Variants in MACROD2 observed in about 807,000 individuals in gnomAD.
The protein encoded by MACROD2 is mono-ADP ribosylhydrolase 2, also known as ADP-ribose glycohydrolase MACROD2.
Under a neutral mutation model 70.4 loss-of-function variants are expected in MACROD2, and 36 were observed. The observed-to-expected ratio is 0.51, with a 90% CI of 0.39 to 0.68. The LOEUF is 0.68. Ranked by LOEUF, MACROD2 falls within the 30% of genes least tolerant of loss-of-function variation. MACROD2 has a pLI of 0.00. For missense variants in MACROD2, 496 were observed against 538.4 expected, an observed-to-expected ratio of 0.92 and a Z score of 0.78; for synonymous variants, 172 against 178.8, an observed-to-expected ratio of 0.96 and a Z score of 0.30.
At chr20:14,983,289 G>C (rs961986877) in intron 5 of MACROD2, among the ~76,000 whole-genome samples, 1 of 152,114 alleles carries the variant, frequency 6.6e-6, no homozygotes, top group Non-Finnish European at 1.5e-5. Context: ...TGTCTCAGTT[G>C]AGACTTTGGA....
intron 4 of MACROD2, among the ~76,000 whole-genome samples, chr20:14,539,004 G>A (rs972471372): frequency 2.0e-5 from 3 of 152,192 alleles, no homozygotes; most frequent in African/African-American, 2.4e-5. Context: ...CACATAATGA[G>A]CATTCAGTAA....
intron 4 of MACROD2, among the ~76,000 whole-genome samples, chr20:14,504,053 T>C (rs1300313630): frequency 6.6e-6 from 1 of 152,216 alleles, no homozygotes; most frequent in Non-Finnish European, 1.5e-5. Flanking sequence ...AGTCAGTGCA[T>C]TTTCTTAGGT....
intron 3 of MACROD2, among the ~76,000 whole-genome samples, chr20:14,104,400 G>A (rs564705249): frequency 6.6e-6 from 1 of 152,272 alleles, no homozygotes; most frequent in East Asian, 1.9e-4. Flanking sequence ...AACTCAGATA[G>A]CCGAAGTTCA....
At chr20:15,925,692 G>T (rs1427495517) in intron 10 of MACROD2, among the ~76,000 whole-genome samples, 1 of 152,158 alleles carries the variant, frequency 6.6e-6, no homozygotes, top group Non-Finnish European at 1.5e-5. Flanking sequence ...ACATATGGAA[G>T]GCCCAGTGGC....
intron 11 of MACROD2, among the ~76,000 whole-genome samples, chr20:15,935,294 C>T (rs1375108889): frequency 6.6e-6 from 1 of 152,150 alleles, no homozygotes; most frequent in Non-Finnish European, 1.5e-5. Flanking sequence ...AAATGCATCC[C>T]TGAGTGACTC....
At chr20:15,342,159 T>C (rs1039207461) in intron 6 of MACROD2, among the ~76,000 whole-genome samples, 3 of 152,206 alleles carry the variant, frequency 2.0e-5, no homozygotes, top group Non-Finnish European at 4.4e-5. Flanking sequence ...TACATTATAA[T>C]GTAAATCAAT....
At chr20:15,413,154 C>T (rs2046100931) in intron 6 of MACROD2, among the ~76,000 whole-genome samples, 1 of 152,210 alleles carries the variant, frequency 6.6e-6, no homozygotes, top group Admixed American at 6.5e-5. Context: ...TCAACATAAT[C>T]TTGCAAGCTT....
intron 5 of MACROD2, among the ~76,000 whole-genome samples, chr20:15,204,825 T>C (rs1202182899): frequency 6.6e-6 from 1 of 152,098 alleles, no homozygotes; most frequent in African/African-American, 2.4e-5. Flanking sequence ...ATCCTAAGGC[T>C]AAAGAAAGAA....
intron 2 of MACROD2, among the ~76,000 whole-genome samples, chr20:14,050,465 C>T (rs574009084): frequency 1.3e-5 from 2 of 152,260 alleles, no homozygotes; most frequent in Admixed American, 6.5e-5. Context: ...AGCCTGAAAT[C>T]TGCTCTCCCA....
At chr20:15,865,794 A>G (rs2064484379) in intron 9 of MACROD2, among the ~76,000 whole-genome samples, 1 of 152,206 alleles carries the variant, frequency 6.6e-6, no homozygotes, top group East Asian at 1.9e-4. Context: ...CAGGGAGCCC[A>G]GCCAGCAAGT....
intron 5 of MACROD2, among the ~76,000 whole-genome samples, chr20:15,099,961 GA>G (rs528953317): frequency 0.019 from 2,851 of 150,664 alleles, 59 homozygotes; most frequent in Non-Finnish European, 0.028. Flanking sequence ...AAAAGAAAAA[GA>G]AAAAAAAAGA....
chr20:14,681,616 G>A (rs2123587819), intron 4 of MACROD2, among the ~76,000 whole-genome samples: 1 of 152,190 alleles, frequency 6.6e-6, no homozygotes, highest in South Asian at 2.1e-4. Flanking sequence ...AAGGGCACAA[G>A]GTAGCTTTTT....
At chr20:15,309,659 A>G (rs1010973771) in intron 6 of MACROD2, among the ~76,000 whole-genome samples, 2 of 152,252 alleles carry the variant, frequency 1.3e-5, no homozygotes, top group Non-Finnish European at 1.5e-5. Flanking sequence ...GTGGAATACA[A>G]TAACAAGACA....
intron 5 of MACROD2, among the ~76,000 whole-genome samples, chr20:14,685,816 C>T (rs1483039989): frequency 6.6e-6 from 1 of 152,000 alleles, no homozygotes. Context: ...AAAAGTGAAG[C>T]TGGTTTTGAT....
At chr20:14,579,311 TTTTGTATTTTTAG>T (rs1980849339) in intron 4 of MACROD2, among the ~76,000 whole-genome samples, 1 of 149,032 alleles carries the variant, frequency 6.7e-6, no homozygotes, top group African/African-American at 2.5e-5. Flanking sequence ...CCGGCTAATT[TTTTGTATTTTTAG>T]TAGAGACGGG....
chr20:14,629,977 ATCTAT>A (rs1290633699), intron 4 of MACROD2, among the ~76,000 whole-genome samples: 1 of 151,964 alleles, frequency 6.6e-6, no homozygotes, highest in African/African-American at 2.4e-5. Context: ...CTATCTATCT[ATCTAT>A]CTATCTATCT....
intron 2 of MACROD2, among the ~76,000 whole-genome samples, chr20:14,007,639 A>T (rs2052841678): frequency 6.6e-6 from 1 of 152,202 alleles, no homozygotes; most frequent in Non-Finnish European, 1.5e-5. Context: ...TTGTTGAGAC[A>T]AGAGTTCTAG....
At chr20:15,867,067 G>A (rs749986468) in intron 9 of MACROD2, among the ~76,000 whole-genome samples, 2 of 152,150 alleles carry the variant, frequency 1.3e-5, no homozygotes, top group African/African-American at 2.4e-5. Context: ...CAGAGGCCTC[G>A]CTCCTTGGCT....
intron 5 of MACROD2, among the ~76,000 whole-genome samples, chr20:14,926,250 A>T (rs994326833): frequency 1.1e-4 from 16 of 152,106 alleles, no homozygotes; most frequent in African/African-American, 2.9e-4. Context: ...AGCAGTTTTT[A>T]AAAAAATAGG....
Sources: allele counts gnomAD v4.1 joint callset (sites outside exome capture counted in the v4.1 genomes callset), GRCh38; gene constraint gnomAD v4.1.1; transcripts MANE v1.5; gene names NCBI Gene and HGNC (gene_info 2026-07-23, HGNC 2026-07-21).